Variants in ITPR3 observed in about 807,000 individuals in gnomAD.
ITPR3 encodes the protein inositol 1,4,5-trisphosphate-gated calcium channel ITPR3.
A neutral mutation model predicts 293.2 loss-of-function variants in ITPR3; 173 were observed. The ratio of observed to expected loss-of-function variants is 0.59; its 90% CI spans 0.52 to 0.67. The LOEUF (loss-of-function observed/expected upper bound fraction) is 0.67. ITPR3 is among the 30% of genes least tolerant of loss of function. The pLI, the probability that ITPR3 is intolerant of heterozygous loss-of-function variation, is 0.00. For synonymous variants in ITPR3, 1,295 were observed against 1,444.4 expected (o/e 0.90, Z 2.35); for missense variants, 2,796 against 3,592.1 (o/e 0.78, Z 5.66).
At chr6:33,673,509 GC>G (rs777749909) in intron 22 of ITPR3, 81 bp from the exon 23 acceptor site, 2 of 1,560,016 alleles carry the variant, frequency 1.3e-6, no homozygotes, top group Admixed American at 1.8e-5. Context: ...CCTGCCCCCT[GC>G]CCCCCATAAA....
At position 33,672,779 on chromosome 6, in the gene ITPR3, C is replaced by G. The variant is rs1258762798; in HGVS notation, c.2928+551C>G. Reference sequence around the variant, plus strand: ...AAAAGCGGGGGCCGGGGGGTGCTTTCCCAAGGTCACAGGGATTTTGAAGCA... The same window carrying G: ...AAAAGCGGGGGCCGGGGGGTGCTTTGCCAAGGTCACAGGGATTTTGAAGCA... On this transcript the variant is annotated intron_variant, in intron 22 of 57. Transcript: ENST00000605930. This position sits in a 1 kb window ranked among gnomAD's most constrained non-coding sequence, Gnocchi z 5.0. Among the ~76,000 whole-genome samples, 1 of 151,928 alleles carries G rather than the reference C, an allele frequency of 6.6e-6. No individual in the cohort carries two copies. Among genetic ancestry groups the G allele is most frequent in the Non-Finnish European group, 1.5e-5 (1 of 68,000 alleles).
chr6:33,696,347 G>A lies in ITPR3; in HGVS notation c.*567G>A, dbSNP rs1303127645. 1 of 153,944 alleles carries A rather than the reference G, an allele frequency of 6.5e-6. No individual in the cohort carries two copies. The highest frequency in any genetic ancestry group is 1.4e-5 in the Non-Finnish European group (1 of 68,976). 9.5% of individuals were successfully genotyped at this position (153,944 alleles called of 1,614,324 possible). A position where few individuals can be genotyped will look rare whatever the true frequency, so the allele number is the denominator to read the frequency against. On this transcript the variant is annotated 3_prime_UTR_variant, in exon 58 of 58. Coordinates refer to ENST00000605930, the MANE Select transcript of ITPR3 (RefSeq NM_002224.4). ...TGCCACCCCCGGCATGGCTCCAGGT[G>A]GCCTGGTGACTCCATGATGGACGAT...
In ITPR3 at chr6:33,670,262, C is replaced by T; in HGVS notation, c.2190-63C>T. 6.3e-7 allele frequency: 1 copy of T among 1,587,132 alleles called. No individual in the cohort carries two copies. Among genetic ancestry groups the T allele is most frequent in the Non-Finnish European group, 8.6e-7 (1 of 1,159,722 alleles). On this transcript the variant is annotated intron_variant, in intron 18 of 57. Coordinates refer to ENST00000605930, the MANE Select transcript of ITPR3 (RefSeq NM_002224.4). The surrounding 1 kb of genome is among the most constrained non-coding windows in gnomAD (Gnocchi z 6.7). ...TACTGAGTCCTCACCAAGTCTAGTG[C>T]CCAGTGCCAGCAGCCTCCCGGCTGC...
At chr6:33,649,468 G>T (rs1199232567) in intron 2 of ITPR3, among the ~76,000 whole-genome samples, 1 of 150,842 alleles carries the variant, frequency 6.6e-6, no homozygotes, top group African/African-American at 2.4e-5. Flanking sequence ...CAGGTGATCC[G>T]CCTGCCTTGG....
In ITPR3 at chr6:33,688,402, AC is replaced by A; in HGVS notation, c.6540del (p.Asn2180LysfsTer14). 7 of 1,366,334 alleles carry A rather than the reference AC, an allele frequency of 5.1e-6. No homozygotes were observed. The highest frequency in any genetic ancestry group is 6.8e-6 in the Non-Finnish European group (7 of 1,026,636). 84.6% of individuals were successfully genotyped at this position (1,366,334 alleles called of 1,614,324 possible). On this transcript the variant is annotated frameshift_variant, in exon 48 of 58. Coordinates refer to ENST00000605930, the MANE Select transcript of ITPR3 (RefSeq NM_002224.4). LOFTEE classifies it high-confidence loss of function. ...TTCGACCAGTCCTCCTTCCTGCACAACGAGATGGAGTGGCAGCGCAAGCTCC... is the reference window on the plus strand; with the variant it reads ...TTCGACCAGTCCTCCTTCCTGCACAAGAGATGGAGTGGCAGCGCAAGCTCC... ...DFFDQSSFLHNEMEWQRKLRS... is the reference protein window; with the variant it reads ...DFFDQSSFLHXEMEWQRKLRS...
At chr6:33,668,472 GC>G (rs1355808116) in intron 16 of ITPR3, 42 bp from the exon 17 acceptor site, 5 of 1,613,280 alleles carry the variant, frequency 3.1e-6, no homozygotes, top group Non-Finnish European at 2.5e-6. Context: ...AGAGGGACCA[GC>G]CTCTGAGACC....
chr6:33,693,777 G>T (rs1406271274), intron 56 of ITPR3, 72 bp downstream of exon 56: 10 of 1,547,670 alleles, frequency 6.5e-6, no homozygotes, highest in Non-Finnish European at 7.9e-6. Flanking sequence ...TGCACCAGAG[G>T]CCTCATGGTT....
chr6:33,687,286 C>G lies in ITPR3; in HGVS notation c.6136C>G (p.Pro2046Ala), dbSNP rs772824600. ...EEERENSEVS[P>A]REVGHNIYIL... ...AGAGCGTGAGAACTCGGAGGTGAGC[C>G]CACGTGAAGTGGGCCATAACATCTA... Residue 2046 changes from proline (P) to alanine (A), a missense_variant, in exon 45 of 58, where the codon CCA (proline) becomes GCA (alanine). Coordinates refer to ENST00000605930, the MANE Select transcript of ITPR3 (RefSeq NM_002224.4). The surrounding 1 kb of genome is among the most constrained non-coding windows in gnomAD (Gnocchi z 5.3). 2 of 1,613,416 alleles carry G rather than the reference C, an allele frequency of 1.2e-6. No homozygotes were observed. The highest frequency in any genetic ancestry group is 1.1e-5 in the South Asian group (1 of 91,044).
Position 33,691,606 on chromosome 6 carries a change from C to G in ITPR3, c.7226-9C>G, listed in dbSNP as rs1475709568. 1 of 1,611,692 alleles carries G rather than the reference C, an allele frequency of 6.2e-7. No homozygotes were observed. The highest frequency in any genetic ancestry group is 1.3e-5 in the African/African-American group (1 of 74,968). On this transcript the variant is annotated splice_polypyrimidine_tract_variant and intron_variant, in intron 52 of 57. Coordinates refer to ENST00000605930, the MANE Select transcript of ITPR3 (RefSeq NM_002224.4). The surrounding 1 kb of genome is among the most constrained non-coding windows in gnomAD (Gnocchi z 4.9). Reference sequence around the variant, plus strand: ...GACCTCCTGATGATCTCATCCATATCCCCTCCAGCCAGCCCCCTGGGGATG... The same window carrying G: ...GACCTCCTGATGATCTCATCCATATGCCCTCCAGCCAGCCCCCTGGGGATG...
At position 33,665,534 on chromosome 6, in the gene ITPR3, G is replaced by A. The variant is rs186476212; in HGVS notation, c.1410-301G>A. Among the ~76,000 whole-genome samples the A allele has an allele frequency of 8.4e-4, 128 of 152,052 alleles. 1 individual carries two copies. The highest frequency in any genetic ancestry group is 2.6e-3 in the African/African-American group (106 of 41,514). ...TAAGTGGCAGAGTCAGGATGCAAAT[G>A]CAGCCCCCTTCACACCAGACTCCCC... On this transcript the variant is annotated intron_variant, in intron 13 of 57. Coordinates refer to ENST00000605930, the MANE Select transcript of ITPR3 (RefSeq NM_002224.4).
At chr6:33,694,846 C>G (rs901628019) in intron 56 of ITPR3, 78 bp from the exon 57 acceptor site, 1 of 1,564,996 alleles carries the variant, frequency 6.4e-7, no homozygotes, top group Non-Finnish European at 8.8e-7. Context: ...GAAGCCTCCC[C>G]CCACATTACT....
At position 33,685,643 on chromosome 6, in the gene ITPR3, G is replaced by A; in HGVS notation, c.5483G>A (p.Gly1828Asp). The change falls in exon 41 of 58, where the codon GGC (glycine) becomes GAC (aspartate). Residue 1828 changes from glycine (G) to aspartate (D), a missense_variant and splice_region_variant. Gly to Asp is a moderately conservative substitution (Grantham distance 94, BLOSUM62 -1). Transcript: ENST00000605930. ...DREPVDPTTK[G>D]RVASFSIPGS... Reference sequence around the variant, plus strand: ...CAGCCTCACCAGGTCTCGCCCACAGGCCGCGTGGCCTCCTTCTCGATACCT... The same window carrying A: ...CAGCCTCACCAGGTCTCGCCCACAGACCGCGTGGCCTCCTTCTCGATACCT... 6.3e-7 allele frequency: 1 copy of A among 1,582,286 alleles called. No homozygotes were observed. The highest frequency in any genetic ancestry group is 8.6e-7 in the Non-Finnish European group (1 of 1,160,442).
In ITPR3 at chr6:33,666,511, T is replaced by C. The variant is rs1764613223; in HGVS notation, c.1551+535T>C. 6.6e-6 allele frequency among the ~76,000 whole-genome samples: 1 copy of C among 152,004 alleles called. No homozygotes were observed. Among genetic ancestry groups the C allele is most frequent in the South Asian group, 2.1e-4 (1 of 4,826 alleles). ...CTAACAATAGGGACATTGCCTTACA[T>C]AACCATAGTACATGATCACACCTAA... On this transcript the variant is annotated intron_variant, in intron 14 of 57. Transcript: ENST00000605930. The surrounding 1 kb of genome is among the most constrained non-coding windows in gnomAD (Gnocchi z 5.1).
Position 33,691,594 on chromosome 6 carries a change from T to C in ITPR3, c.7226-21T>C, listed in dbSNP as rs1251317999. The stretch of plus-strand genomic sequence containing the variant: ...GGCCAGGCACTGGACCTCCTGATGA[T>C]CTCATCCATATCCCCTCCAGCCAGC... On this transcript the variant is annotated intron_variant, in intron 52 of 57. Coordinates refer to ENST00000605930, the MANE Select transcript of ITPR3 (RefSeq NM_002224.4). The surrounding 1 kb of genome is among the most constrained non-coding windows in gnomAD (Gnocchi z 4.9). The C allele has an allele frequency of 6.2e-7, 1 of 1,603,544 alleles. No homozygotes were observed. The highest frequency in any genetic ancestry group is 1.1e-5 in the South Asian group (1 of 90,686).
At chr6:33,665,651 C>T (rs566318190) in intron 13 of ITPR3, among the ~76,000 whole-genome samples, 184 bp from the exon 14 acceptor site, 17 of 151,684 alleles carry the variant, frequency 1.1e-4, no homozygotes, top group East Asian at 3.9e-4. Context: ...TGGGGCTGGG[C>T]GTGTTTGGAG....
rs780137906 is a variant in ITPR3, at chr6:33,679,855, G to GT, written c.3973-26dup. 1.3e-6 allele frequency: 2 copies of GT among 1,596,054 alleles called. No individual in the cohort carries two copies. The highest frequency in any genetic ancestry group is 1.1e-5 in the South Asian group (1 of 88,630). On this transcript the variant is annotated intron_variant, in intron 30 of 57. Transcript: ENST00000605930. This position sits in a 1 kb window ranked among gnomAD's most constrained non-coding sequence, Gnocchi z 4.2. ...CCAGGGCTTGCTGGACCGAGAGAGT[G>GT]TGACACGTGCCCCCTCCCACCCGCA... is the stretch of plus-strand genomic sequence containing the variant.
In ITPR3 at chr6:33,674,223, T is replaced by C; in HGVS notation, c.3074T>C (p.Leu1025Pro). Residue 1025 changes from leucine to proline, a missense_variant, in exon 24 of 58, where the codon CTG (leucine) becomes CCG (proline). Around this residue, in one of 8 missense-constraint regions of ITPR3, gnomAD observed 955 missense variants for 1,180.8 expected, o/e 0.81. Coordinates refer to ENST00000605930, the MANE Select transcript of ITPR3 (RefSeq NM_002224.4). ...AFDSTTANMNLDRIGEQAEAM... is the reference protein window; with the variant it reads ...AFDSTTANMNPDRIGEQAEAM... ...CTCCCCACAGCTGCCAACATGAACC[T>C]GGATCGCATCGGGGAGCAGGCGGAG... 1.2e-6 allele frequency: 2 copies of C among 1,609,988 alleles called. No homozygotes were observed. Among genetic ancestry groups the C allele is most frequent in the Non-Finnish European group, 1.7e-6 (2 of 1,176,230 alleles).
rs769552550 is a variant in ITPR3, at chr6:33,663,720, T to G, written c.1006-18T>G. On this transcript the variant is annotated intron_variant, in intron 10 of 57. Coordinates refer to ENST00000605930, the MANE Select transcript of ITPR3 (RefSeq NM_002224.4). ...AGAAGAGGGAGGGCCTTCTACCTGA[T>G]TTGGGGTCCTCATCCAGGGGGCACA... 1.2e-6 allele frequency: 2 copies of G among 1,612,962 alleles called. No homozygotes were observed.
At position 33,687,592 on chromosome 6, in the gene ITPR3, G is replaced by GTGGT; in HGVS notation, c.6264+28_6264+29insTGGT. 6.5e-7 allele frequency: 1 copy of GTGGT among 1,527,528 alleles called. No individual in the cohort carries two copies. Among genetic ancestry groups the GTGGT allele is most frequent in the Non-Finnish European group, 9.0e-7 (1 of 1,107,686 alleles). 94.6% of individuals were successfully genotyped at this position (1,527,528 alleles called of 1,614,324 possible). A position where few individuals can be genotyped will look rare whatever the true frequency, so the allele number is the denominator to read the frequency against. ...GGGTGCTGGCCCCGAGACTGGGGTG[G>GTGGT]GGGTGGGGCCTGGAACCCAGGGAGG... On this transcript the variant is annotated intron_variant, in intron 46 of 57. Transcript: ENST00000605930. The surrounding 1 kb of genome is among the most constrained non-coding windows in gnomAD (Gnocchi z 5.3).
Sources: gnomAD v4.1 joint callset for allele counts (sites outside exome capture counted in the v4.1 genomes callset) on GRCh38, gnomAD v4.1.1 for gene constraint, gnomAD v4.1.1 regional missense constraint, Gnocchi (gnomAD v3.1) non-coding constraint, MANE v1.5 for transcripts, NCBI Gene and HGNC (gene_info 2026-07-23, HGNC 2026-07-21) for gene names.